Variants in SRGAP3 observed in about 807,000 individuals in gnomAD.
The protein encoded by SRGAP3 is SLIT-ROBO Rho GTPase-activating protein 3.
A neutral mutation model predicts 121.1 loss-of-function variants in SRGAP3; 39 were observed. That is an observed-to-expected ratio of 0.32 (90% CI 0.25 to 0.42). The LOEUF (loss-of-function observed/expected upper bound fraction) is 0.42. SRGAP3 is among the 10% of genes least tolerant of loss of function. The pLI, the probability that SRGAP3 is intolerant of heterozygous loss-of-function variation, is 1.00. For synonymous variants in SRGAP3, 601 were observed against 570.0 expected, an observed-to-expected ratio of 1.05 and a Z score of -0.77; for missense variants, 1,213 against 1,470.6, an observed-to-expected ratio of 0.82 and a Z score of 2.86.
At chr3:9,208,188 C>T (rs1952330717) in intron 1 of SRGAP3, among the ~76,000 whole-genome samples, 1 of 152,164 alleles carries the variant, frequency 6.6e-6, no homozygotes, top group Admixed American at 6.5e-5. Flanking sequence ...TCCCAGACCC[C>T]CGAGATGTTT....
intron 3 of SRGAP3, among the ~76,000 whole-genome samples, chr3:9,319,582 C>G (rs1227780364): frequency 6.6e-6 from 1 of 151,832 alleles, no homozygotes; most frequent in East Asian, 1.9e-4. Flanking sequence ...GGTTCAAAGT[C>G]AAGGTCGCAG....
At chr3:9,203,638 T>C (rs1196724708) in intron 1 of SRGAP3, among the ~76,000 whole-genome samples, 1 of 152,168 alleles carries the variant, frequency 6.6e-6, no homozygotes, top group African/African-American at 2.4e-5. Context: ...TTTTTGTCTT[T>C]CCCTTATATT....
chr3:9,049,909 C>T (rs769419415), intron 9 of SRGAP3, among the ~76,000 whole-genome samples: 30 of 151,902 alleles, frequency 2.0e-4, no homozygotes, highest in Admixed American at 4.6e-4. Flanking sequence ...TACAGGCACA[C>T]GCCAGCCAAG....
At chr3:9,315,532 A>C (rs1955328598) in intron 3 of SRGAP3, among the ~76,000 whole-genome samples, 1 of 152,202 alleles carries the variant, frequency 6.6e-6, no homozygotes, top group Non-Finnish European at 1.5e-5. Flanking sequence ...AGGAAGGGTA[A>C]TGGCTGCTGG....
chr3:9,079,061 GA>G (rs1446343654), intron 4 of SRGAP3, among the ~76,000 whole-genome samples: 6 of 152,102 alleles, frequency 3.9e-5, no homozygotes, highest in Admixed American at 1.3e-4. Flanking sequence ...TATAAACACA[GA>G]AAGATAATAA....
intron 1 of SRGAP3, among the ~76,000 whole-genome samples, chr3:9,238,650 C>T (rs1450258359): frequency 6.6e-6 from 1 of 152,174 alleles, no homozygotes; most frequent in African/African-American, 2.4e-5. Context: ...GATGAGGCAA[C>T]CACCAAACAG....
chr3:9,319,856 G>A (rs1296456976), intron 3 of SRGAP3, among the ~76,000 whole-genome samples: 1 of 151,950 alleles, frequency 6.6e-6, no homozygotes, highest in Non-Finnish European at 1.5e-5. Context: ...AGAGTAAGAA[G>A]TGCAAAGCCA....
intron 1 of SRGAP3, among the ~76,000 whole-genome samples, chr3:9,171,132 C>T (rs181146931): frequency 1.3e-5 from 2 of 152,348 alleles, no homozygotes; most frequent in African/African-American, 4.8e-5. Context: ...GCCCCAGCAG[C>T]CTCCACAGAG....
intron 1 of SRGAP3, among the ~76,000 whole-genome samples, chr3:9,335,588 T>A (rs1233951478): frequency 6.6e-6 from 1 of 152,162 alleles, no homozygotes; most frequent in African/African-American, 2.4e-5. Flanking sequence ...GGACAGTAGT[T>A]CTCAAAGTGA....
chr3:9,334,346 G>C (rs1275044599), intron 1 of SRGAP3, among the ~76,000 whole-genome samples: 1 of 152,092 alleles, frequency 6.6e-6, no homozygotes, highest in Non-Finnish European at 1.5e-5. Context: ...CATGATTCCT[G>C]AAACTAGAGC....
chr3:9,159,182 C>T (rs928980747), intron 1 of SRGAP3, among the ~76,000 whole-genome samples: 7 of 152,142 alleles, frequency 4.6e-5, no homozygotes, highest in African/African-American at 1.4e-4. Context: ...CCCAAGAACC[C>T]TCCCCACCAC....
At chr3:9,123,652 C>G (rs972761697) in intron 2 of SRGAP3, among the ~76,000 whole-genome samples, 6 of 151,460 alleles carry the variant, frequency 4.0e-5, no homozygotes, top group African/African-American at 1.5e-4. Context: ...TTGCAGTGAG[C>G]TGAGATCATG....
intron 21 of SRGAP3, among the ~76,000 whole-genome samples, chr3:8,986,740 A>T (rs1259194639): frequency 6.7e-6 from 1 of 150,354 alleles, no homozygotes; most frequent in East Asian, 2.0e-4. Flanking sequence ...AAATTTTTTT[A>T]AAAAGTGGAA....
rs1286607543 is a variant in SRGAP3, at chr3:9,080,057, C to T, written c.454G>A (p.Glu152Lys). The change falls in exon 4 of 22, where the codon GAG becomes AAG. Residue 152 changes from glutamate (E) to lysine (K), a missense_variant. Physicochemically the swap from Glu to Lys is moderately conservative, Grantham distance 56. Around this residue, in one of 2 missense-constraint regions of SRGAP3, gnomAD observed 793 missense variants for 1,032.9 expected, o/e 0.77. Transcript: ENST00000383836. ...AGCTCATTGGTCACCTTCAGGAGCT[C>T]CTCGTGCATCTGCAGGCCAATCTCC... Reference protein sequence around the residue: ...SKEIGLQMHEELLKVTNELYT... With the variant: ...SKEIGLQMHEKLLKVTNELYT... The T allele has an allele frequency of 6.3e-7, 1 of 1,589,276 alleles. No homozygotes were observed. The highest frequency in any genetic ancestry group is 1.4e-5 in the African/African-American group (1 of 71,840).
Position 9,015,692 on chromosome 3 carries a change from A to G in SRGAP3, c.1718T>C (p.Ile573Thr). Residue 573 changes from isoleucine (I) to threonine (T), a missense_variant, in exon 15 of 22, where the codon ATC becomes ACC. Physicochemically the swap from Ile to Thr is moderately conservative, Grantham distance 89. This residue lies in a region of SRGAP3 where 793 missense variants were observed against 1,032.9 expected (regional missense o/e 0.77). Transcript: ENST00000383836. ...PLVDDQNERD[I>T]NSVAGVLKLY... ...TTTTAAAACACCAGCGACTGAATTG[A>G]TATCTCGTTCATTTTGATCGTCCAC... 1 of 1,614,216 alleles carries G rather than the reference A, an allele frequency of 6.2e-7. No individual in the cohort carries two copies. Among genetic ancestry groups the G allele is most frequent in the Non-Finnish European group, 8.5e-7 (1 of 1,180,038 alleles).
chr3:9,286,675 T>G (rs1458863271), intron 3 of SRGAP3, among the ~76,000 whole-genome samples: 1 of 151,502 alleles, frequency 6.6e-6, no homozygotes, highest in Non-Finnish European at 1.5e-5. Context: ...CGATCTCGGC[T>G]CACTACAAGC....
intron 1 of SRGAP3, among the ~76,000 whole-genome samples, chr3:9,205,740 T>C (rs80034832): frequency 0.02 from 2,977 of 152,356 alleles, 78 homozygotes; most frequent in African/African-American, 0.064. Context: ...ATGCCCATCA[T>C]AGATAAACAG....
chr3:8,994,815 A>G (rs538898096), intron 18 of SRGAP3, among the ~76,000 whole-genome samples: 1 of 152,352 alleles, frequency 6.6e-6, no homozygotes, highest in South Asian at 2.1e-4. Context: ...GCTCATTAAG[A>G]CAATATTGTA....
chr3:9,021,415 G>GTT (rs201403229), intron 14 of SRGAP3, among the ~76,000 whole-genome samples: 1 of 151,436 alleles, frequency 6.6e-6, no homozygotes. Context: ...TTCATGATGT[G>GTT]TTTTTTTTTC....
Sources: gnomAD v4.1 joint callset for allele counts (sites outside exome capture counted in the v4.1 genomes callset) on GRCh38, gnomAD v4.1.1 for gene constraint, gnomAD v4.1.1 regional missense constraint, MANE v1.5 for transcripts, NCBI Gene and HGNC (gene_info 2026-07-23, HGNC 2026-07-21) for gene names.